TET3: variants seen among roughly 807,000 people sequenced by gnomAD.
TET3 encodes the protein tet methylcytosine dioxygenase 3.
Under a neutral mutation model 141.4 loss-of-function variants are expected in TET3, and 19 were observed. That is an observed-to-expected ratio of 0.13 (90% CI 0.09 to 0.20). The LOEUF (loss-of-function observed/expected upper bound fraction) is 0.20. Among genes scored for constraint, TET3 ranks in the 10% least tolerant of loss-of-function variants. The pLI is 1.00. For synonymous variants in TET3, 1,043 were observed against 980.9 expected (o/e 1.06, Z -1.18); for missense variants, 1,874 against 2,356.9 (o/e 0.80, Z 4.24).
chr2:74,077,361 G>A (rs1573866315), intron 5 of TET3, among the ~76,000 whole-genome samples: 3 of 152,234 alleles, frequency 2.0e-5, no homozygotes, highest in African/African-American at 7.2e-5. Flanking sequence ...ATTTCTAGGG[G>A]ATGCTGATGC....
At chr2:74,036,341 T>C (rs1340419926) in intron 3 of TET3, among the ~76,000 whole-genome samples, 1 of 152,234 alleles carries the variant, frequency 6.6e-6, no homozygotes, top group Non-Finnish European at 1.5e-5. Flanking sequence ...ATTTTTCTGA[T>C]TACTGATGAT....
chr2:74,006,643 C>A (rs953460489), intron 3 of TET3, among the ~76,000 whole-genome samples: 7 of 152,332 alleles, frequency 4.6e-5, no homozygotes, highest in South Asian at 2.1e-4. Context: ...AGTCCCCTCC[C>A]ATACCCCGGA....
rs1257158546 is a variant in TET3, at chr2:74,089,915, A to G, written c.2907A>G (p.Gln969=). Residue 969 remains glutamine (Q), a synonymous_variant, in exon 8 of 12, where the codon CAA becomes CAG. Coordinates refer to ENST00000409262, the MANE Select transcript of TET3 (RefSeq NM_001287491.2). ...GLNDDRTCAC[Q]GKDPNTCGAS... ...GTTGCAGCCGGACCTGCGCTTGCCA[A>G]GGCAAAGACCCCAACACCTGTGGTG... is the stretch of plus-strand genomic sequence containing the variant. 1 of 1,614,064 alleles carries G rather than the reference A, an allele frequency of 6.2e-7. No homozygotes were observed. The highest frequency in any genetic ancestry group is 8.5e-7 in the Non-Finnish European group (1 of 1,179,896).
At chr2:74,031,404 G>A (rs972297926) in intron 3 of TET3, among the ~76,000 whole-genome samples, 1 of 152,126 alleles carries the variant, frequency 6.6e-6, no homozygotes, top group African/African-American at 2.4e-5. Flanking sequence ...CAAATGCCTA[G>A]GTTCCTGTTC....
At position 74,013,606 on chromosome 2, in the gene TET3, G is replaced by A. The variant is rs572578575; in HGVS notation, c.360+10440G>A. Among the ~76,000 whole-genome samples the A allele has an allele frequency of 2.7e-4, 41 of 151,918 alleles. No individual in the cohort carries two copies. In the South Asian group the frequency reaches 6.0e-3, roughly 22 times the overall value. On this transcript the variant is annotated intron_variant, in intron 3 of 11. Coordinates refer to ENST00000409262, the MANE Select transcript of TET3 (RefSeq NM_001287491.2). ...GGGTGGATCACGAGGTCAGGAGATCGAGACCATCCTGGCTAACACAGTGAA... is the reference window on the plus strand; with the variant it reads ...GGGTGGATCACGAGGTCAGGAGATCAAGACCATCCTGGCTAACACAGTGAA...
intron 4 of TET3, among the ~76,000 whole-genome samples, chr2:74,053,784 G>A (rs567951009): frequency 3.9e-5 from 6 of 152,270 alleles, no homozygotes; most frequent in African/African-American, 1.2e-4. Flanking sequence ...GTTTACAGTC[G>A]TGTAAAGTCT....
At chr2:74,109,900 C>T (rs190037562), downstream of TET3, among the ~76,000 whole-genome samples, 10 of 152,232 alleles carry the variant, frequency 6.6e-5, no homozygotes, top group Admixed American at 1.3e-4. Context: ...TTTTAAGCAG[C>T]GGCTTGTGGC....
intron 8 of TET3, among the ~76,000 whole-genome samples, chr2:74,092,646 G>A (rs1690570842): frequency 6.6e-6 from 1 of 152,216 alleles, no homozygotes; most frequent in Non-Finnish European, 1.5e-5. Context: ...GGAGCCTGAA[G>A]GAGCAGTAGT....
chr2:74,044,297 T>C (rs1687497867), intron 3 of TET3, among the ~76,000 whole-genome samples: 1 of 152,200 alleles, frequency 6.6e-6, no homozygotes, highest in Non-Finnish European at 1.5e-5. Flanking sequence ...TATAGAAAAA[T>C]AGCAGGGATC....
chr2:74,133,983 TC>T, the TET3 span, among the ~76,000 whole-genome samples: 273 of 150,956 alleles, frequency 1.8e-3, no homozygotes, highest in African/African-American at 5.8e-3. Context: ...GACCTTGTGA[TC>T]CCCCCCCCTC....
At chr2:74,049,873 C>CA (rs1687849111) in intron 4 of TET3, among the ~76,000 whole-genome samples, 1 of 152,070 alleles carries the variant, frequency 6.6e-6, no homozygotes. Context: ...GCCAGGCACT[C>CA]AAGAGACATG....
chr2:74,009,600 T>C (rs1305085323), intron 3 of TET3, among the ~76,000 whole-genome samples: 2 of 152,204 alleles, frequency 1.3e-5, no homozygotes, highest in Non-Finnish European at 2.9e-5. Flanking sequence ...CCACCATATT[T>C]TTCCTAGCAC....
At chr2:74,112,773 T>G (rs545013891), downstream of TET3, among the ~76,000 whole-genome samples, 31 of 148,022 alleles carry the variant, frequency 2.1e-4, no homozygotes, top group Non-Finnish European at 4.3e-4. Flanking sequence ...GAGGCTGAGG[T>G]GGATGGATCA....
At chr2:74,028,174 A>G (rs1365318667) in intron 3 of TET3, among the ~76,000 whole-genome samples, 1 of 151,900 alleles carries the variant, frequency 6.6e-6, no homozygotes, top group Non-Finnish European at 1.5e-5. Context: ...AAAATTATGT[A>G]GAGCAGGGGT....
At chr2:74,056,812 T>G (rs1003656850) in intron 4 of TET3, among the ~76,000 whole-genome samples, 17 of 152,236 alleles carry the variant, frequency 1.1e-4, no homozygotes, top group African/African-American at 2.9e-4. Flanking sequence ...AGCCCCAATC[T>G]TCAACCATGA....
chr2:74,095,333 T>G (rs1017513989), intron 10 of TET3, among the ~76,000 whole-genome samples: 6 of 152,056 alleles, frequency 3.9e-5, no homozygotes, highest in Non-Finnish European at 8.8e-5. Flanking sequence ...GCCCACAGTG[T>G]TAGAGAGACG....
At chr2:74,063,264 GGT>G (rs1278526208) in intron 4 of TET3, among the ~76,000 whole-genome samples, 1 of 151,866 alleles carries the variant, frequency 6.6e-6, no homozygotes, top group Non-Finnish European at 1.5e-5. Context: ...TCCCACCGTT[GGT>G]GAAGCCCAGG....
In TET3 at chr2:74,102,455, C is replaced by A. The variant is rs367995628; in HGVS notation, c.*279C>A. The A allele has an allele frequency of 4.0e-5, 12 of 297,982 alleles. No homozygotes were observed. The highest frequency in any genetic ancestry group is 5.2e-5 in the Admixed American group (1 of 19,306). The allele number at this position is 297,982 out of a possible 1,614,324, so 18.5% of individuals were successfully genotyped here. A position where few individuals can be genotyped will look rare whatever the true frequency, so the allele number is the denominator to read the frequency against. ...ATTTATATCTCCAAGTTGTCCCCCC[C>A]CCTTGTCTGGGGGGTTTTTATTTTT... On this transcript the variant is annotated 3_prime_UTR_variant, in exon 12 of 12. Transcript: ENST00000409262.
At position 74,046,657 on chromosome 2, in the gene TET3, C is replaced by G. The variant is rs1480300344; in HGVS notation, c.740C>G (p.Ser247Cys). 2 of 1,614,072 alleles carry G rather than the reference C, an allele frequency of 1.2e-6. No homozygotes were observed. The highest frequency in any genetic ancestry group is 1.7e-6 in the Non-Finnish European group (2 of 1,179,900). The change falls in exon 4 of 12, where the codon TCT becomes TGT. Residue 247 changes from serine to cysteine, a missense_variant. Physicochemically the swap from Ser to Cys is moderately radical, Grantham distance 112. Coordinates refer to ENST00000409262, the MANE Select transcript of TET3 (RefSeq NM_001287491.2). This position sits in a 1 kb window ranked among gnomAD's most constrained non-coding sequence, Gnocchi z 4.3. ...CCCCGGCCAGGGCCTGAGGGCTGCT[C>G]TGCTGGCAGCGAAGACCTTGACACA... ...RGPRPGPEGCSAGSEDLDTLQ... is the reference protein window; with the variant it reads ...RGPRPGPEGCCAGSEDLDTLQ...
Sources: gnomAD v4.1 joint callset for allele counts (sites outside exome capture counted in the v4.1 genomes callset) on GRCh38, gnomAD v4.1.1 for gene constraint, Gnocchi (gnomAD v3.1) non-coding constraint, MANE v1.5 for transcripts, NCBI Gene and HGNC (gene_info 2026-07-23, HGNC 2026-07-21) for gene names.